NALF1: variants seen among roughly 807,000 people sequenced by gnomAD.
NALF1 encodes the protein NALCN channel auxiliary factor 1.
Under a neutral mutation model 48.4 loss-of-function variants are expected in NALF1, and 3 were observed. That is an observed-to-expected ratio of 0.06 (90% CI 0.03 to 0.16). NALF1 has a LOEUF of 0.16. NALF1 is among the 10% of genes least tolerant of loss of function. The probability of loss-of-function intolerance (pLI) is 1.00; values close to 1 mark genes in which losing one functional copy is unlikely to be tolerated. For missense variants in NALF1, 526 were observed against 571.5 expected (o/e 0.92, Z 0.81); for synonymous variants, 262 against 245.7 (o/e 1.07, Z -0.62).
Position 107,302,439 on chromosome 13 carries a change from T to A in NALF1, c.916-91684A>T, listed in dbSNP as rs202165007. ...TAGCAGTGAGCCCTTCATTTCAAAATTTTTTTTTTCTCTTCCATGTTTGCT... is the reference window on the plus strand; with the variant it reads ...TAGCAGTGAGCCCTTCATTTCAAAAATTTTTTTTTCTCTTCCATGTTTGCT... On this transcript the variant is annotated intron_variant, in intron 1 of 2. Coordinates refer to ENST00000375915, the MANE Select transcript of NALF1 (RefSeq NM_001080396.3). 7.9e-4 allele frequency among the ~76,000 whole-genome samples: 120 copies of A among 151,066 alleles called. No homozygotes were observed. In the East Asian group the frequency reaches 0.01, roughly 13 times the overall value.
At chr13:107,618,592 C>T (rs764454164) in intron 1 of NALF1, among the ~76,000 whole-genome samples, 5 of 152,042 alleles carry the variant, frequency 3.3e-5, no homozygotes, top group Admixed American at 1.3e-4. Flanking sequence ...AGTGGCCGGA[C>T]CGGGATGCTA....
chr13:107,595,899 T>C (rs2138420902), intron 1 of NALF1, among the ~76,000 whole-genome samples: 1 of 152,254 alleles, frequency 6.6e-6, no homozygotes, highest in African/African-American at 2.4e-5. Flanking sequence ...GTGTACCCTC[T>C]GACTTTTCTG....
At chr13:107,447,220 CCTT>C (rs961884036) in intron 1 of NALF1, among the ~76,000 whole-genome samples, 11 of 151,926 alleles carry the variant, frequency 7.2e-5, no homozygotes, top group African/African-American at 2.7e-4. Context: ...TTCCCTTCTC[CCTT>C]CTTCTTTCTT....
chr13:107,846,492 T>A (rs1197097275), intron 1 of NALF1, among the ~76,000 whole-genome samples: 1 of 152,200 alleles, frequency 6.6e-6, no homozygotes, highest in Non-Finnish European at 1.5e-5. Flanking sequence ...CTCCCATTCC[T>A]ACCCCACTCT....
intron 1 of NALF1, among the ~76,000 whole-genome samples, chr13:107,525,097 A>G (rs1490460981): frequency 6.6e-6 from 1 of 152,168 alleles, no homozygotes; most frequent in Non-Finnish European, 1.5e-5. Flanking sequence ...TCAAGAAACT[A>G]TATGAACCCC....
chr13:107,792,778 C>T (rs1338240538), intron 1 of NALF1, among the ~76,000 whole-genome samples: 1 of 152,072 alleles, frequency 6.6e-6, no homozygotes, highest in Non-Finnish European at 1.5e-5. Context: ...CCCAAAATTA[C>T]ACTTTTTAAG....
At chr13:107,629,724 T>A (rs966842120) in intron 1 of NALF1, among the ~76,000 whole-genome samples, 18 of 152,162 alleles carry the variant, frequency 1.2e-4, no homozygotes, top group African/African-American at 3.4e-4. Flanking sequence ...AAATGCTACT[T>A]TAGATAGATA....
chr13:107,208,973 T>C (rs2138802709), intron 2 of NALF1, among the ~76,000 whole-genome samples: 1 of 152,288 alleles, frequency 6.6e-6, no homozygotes. Flanking sequence ...TGTGAAATCA[T>C]TCTGCATTTC....
intron 1 of NALF1, among the ~76,000 whole-genome samples, chr13:107,324,044 G>A (rs1382719610): frequency 6.6e-6 from 1 of 152,130 alleles, no homozygotes; most frequent in Non-Finnish European, 1.5e-5. Flanking sequence ...AAGAATTCGA[G>A]GTTACAGTGG....
At chr13:107,778,940 T>C (rs1877814266) in intron 1 of NALF1, among the ~76,000 whole-genome samples, 1 of 152,228 alleles carries the variant, frequency 6.6e-6, no homozygotes, top group African/African-American at 2.4e-5. Context: ...GGATCAATTA[T>C]TTTTATTAAA....
intron 2 of NALF1, among the ~76,000 whole-genome samples, chr13:107,204,560 AT>A (rs1879595178): frequency 6.6e-6 from 1 of 152,246 alleles, no homozygotes; most frequent in Non-Finnish European, 1.5e-5. Flanking sequence ...TGAATATAGA[AT>A]TCAGAAAAAG....
At chr13:107,447,815 A>G (rs190434507) in intron 1 of NALF1, among the ~76,000 whole-genome samples, 1 of 152,268 alleles carries the variant, frequency 6.6e-6, no homozygotes, top group Admixed American at 6.5e-5. Context: ...CCAAGTAGCC[A>G]CGGAACCTGC....
At chr13:107,234,963 A>C (rs1005600606) in intron 1 of NALF1, among the ~76,000 whole-genome samples, 3 of 151,924 alleles carry the variant, frequency 2.0e-5, no homozygotes, top group Non-Finnish European at 4.4e-5. Flanking sequence ...CCCATGCCCC[A>C]CCGCCTCTCC....
At chr13:107,824,310 G>C (rs1034444242) in intron 1 of NALF1, among the ~76,000 whole-genome samples, 3 of 151,750 alleles carry the variant, frequency 2.0e-5, no homozygotes, top group African/African-American at 7.3e-5. Context: ...TATTTGTTTT[G>C]ACTCTAGTGC....
At chr13:107,758,874 C>T (rs573179867) in intron 1 of NALF1, among the ~76,000 whole-genome samples, 7 of 152,092 alleles carry the variant, frequency 4.6e-5, no homozygotes, top group African/African-American at 9.7e-5. Context: ...ACAGGTTTTA[C>T]GAGAATGCAC....
At chr13:107,746,705 A>G (rs1876790762) in intron 1 of NALF1, among the ~76,000 whole-genome samples, 1 of 152,216 alleles carries the variant, frequency 6.6e-6, no homozygotes, top group Non-Finnish European at 1.5e-5. Flanking sequence ...ACTTGGTTTG[A>G]TAACACTTTT....
At chr13:107,776,836 AT>A (rs1877747520) in intron 1 of NALF1, among the ~76,000 whole-genome samples, 2 of 152,222 alleles carry the variant, frequency 1.3e-5, no homozygotes, top group Non-Finnish European at 2.9e-5. Flanking sequence ...CATGCCTGCA[AT>A]CCCAAAACTT....
intron 1 of NALF1, among the ~76,000 whole-genome samples, chr13:107,857,318 C>T (rs1880463348): frequency 6.6e-6 from 1 of 152,162 alleles, no homozygotes; most frequent in Admixed American, 6.5e-5. Context: ...AGACAACCAA[C>T]CATAACAGAA....
intron 1 of NALF1, among the ~76,000 whole-genome samples, chr13:107,611,777 G>T (rs1879229192): frequency 6.6e-6 from 1 of 151,288 alleles, no homozygotes; most frequent in African/African-American, 2.4e-5. Context: ...CAAAAAATTA[G>T]CAGGGAATGG....
Sources: gnomAD v4.1 joint callset for allele counts (sites outside exome capture counted in the v4.1 genomes callset) on GRCh38, gnomAD v4.1.1 for gene constraint, MANE v1.5 for transcripts, NCBI Gene and HGNC (gene_info 2026-07-23, HGNC 2026-07-21) for gene names.